The following TNR variants were observed in gnomAD, a reference collection of about 807,000 sequenced individuals.
TNR encodes tenascin R, also known as tenascin-R.
A neutral mutation model predicts 150.4 loss-of-function variants in TNR; 45 were observed. That is an observed-to-expected ratio of 0.30 (90% confidence interval 0.24 to 0.38). TNR has a LOEUF of 0.38. Among genes scored for constraint, TNR ranks in the 10% least tolerant of loss-of-function variants. The pLI, the probability that TNR is intolerant of heterozygous loss-of-function variation, is 1.00. For missense variants in TNR, 1,544 were observed against 1,759.1 expected, an observed-to-expected ratio of 0.88 and a Z score of 2.19; for synonymous variants, 687 against 678.4, an observed-to-expected ratio of 1.01 and a Z score of -0.20.
intron 1 of TNR, among the ~76,000 whole-genome samples, chr1:175,581,692 G>A (rs1399696087): frequency 6.6e-6 from 1 of 152,098 alleles, no homozygotes; most frequent in African/African-American, 2.4e-5. Flanking sequence ...CCTTTTGAGA[G>A]TTCCATTTTT....
At position 175,597,335 on chromosome 1, in the gene TNR, A is replaced by G. The variant is rs917352487; in HGVS notation, c.-164-68966T>C. On this transcript the variant is annotated intron_variant, in intron 1 of 22. Coordinates refer to ENST00000367674, the MANE Select transcript of TNR (RefSeq NM_003285.3). Reference sequence around the variant, plus strand: ...GACAGAACCTCACGTGAGGAACAGCATCTCCTAGGGAATGTGAGAAGTGAC... The same window carrying G: ...GACAGAACCTCACGTGAGGAACAGCGTCTCCTAGGGAATGTGAGAAGTGAC... 3.3e-5 allele frequency among the ~76,000 whole-genome samples: 5 copies of G among 152,160 alleles called. No individual in the cohort carries two copies. In the South Asian group the frequency reaches 6.2e-4, roughly 19 times the overall value.
At chr1:175,616,263 C>A (rs956530162) in intron 1 of TNR, among the ~76,000 whole-genome samples, 2 of 152,186 alleles carry the variant, frequency 1.3e-5, no homozygotes, top group Non-Finnish European at 2.9e-5. Context: ...TGTTCATGAC[C>A]AAAGCCTCCC....
At chr1:175,402,756 T>G (rs1014937045) in intron 4 of TNR, among the ~76,000 whole-genome samples, 8 of 152,244 alleles carry the variant, frequency 5.3e-5, no homozygotes, top group African/African-American at 1.9e-4. Flanking sequence ...TTTGAGCAGG[T>G]GGAACGCTTG....
At chr1:175,494,543 A>T (rs1433710475) in intron 2 of TNR, among the ~76,000 whole-genome samples, 1 of 152,212 alleles carries the variant, frequency 6.6e-6, no homozygotes, top group East Asian at 1.9e-4. Flanking sequence ...TAGGGCAGTC[A>T]CTGACAGCTG....
At chr1:175,647,010 G>A (rs1427674814) in intron 1 of TNR, among the ~76,000 whole-genome samples, 1 of 152,244 alleles carries the variant, frequency 6.6e-6, no homozygotes, top group Non-Finnish European at 1.5e-5. Flanking sequence ...CGGCAGGCAG[G>A]ATGGGGCAGG....
chr1:175,365,080 C>T lies in TNR; in HGVS notation c.2517G>A (p.Glu839=), dbSNP rs143313777. 52 of 1,614,004 alleles carry T rather than the reference C, an allele frequency of 3.2e-5. No individual in the cohort carries two copies. In the South Asian group the frequency reaches 5.3e-4, roughly 16 times the overall value. Residue 839 remains glutamate, a synonymous_variant, in exon 12 of 23, where the codon GAG becomes GAA. Coordinates refer to ENST00000367674, the MANE Select transcript of TNR (RefSeq NM_003285.3). The part of the protein sequence containing the change: ...AVLMGLQPAT[E]YIVNLVAVHG... ...GGACAGCCACAAGGTTCACAATATA[C>T]TCTGTGGCTGGTTGCAGGCCCATCA...
Position 175,410,814 on chromosome 1 carries a change from C to A in TNR, c.-63-4037G>T, listed in dbSNP as rs375365811. Among the ~76,000 whole-genome samples the A allele has an allele frequency of 9.2e-5, 14 of 152,336 alleles. No homozygotes were observed. In the East Asian group the frequency reaches 2.7e-3, roughly 29 times the overall value. On this transcript the variant is annotated intron_variant, in intron 2 of 22. Coordinates refer to ENST00000367674, the MANE Select transcript of TNR (RefSeq NM_003285.3). ...CTCTGAGTGACCACAGAGTTTCCTG[C>A]TGACTCACAGTGGACATGTCATGTG...
chr1:175,669,731 G>A (rs1665639661), intron 1 of TNR, among the ~76,000 whole-genome samples: 1 of 152,240 alleles, frequency 6.6e-6, no homozygotes, highest in Non-Finnish European at 1.5e-5. Context: ...AGAGCTGGCT[G>A]CAGGGAGAGG....
rs537196066 is a variant in TNR at position 175,700,914 on chromosome 1, G to A, written c.-165+42312C>T. On this transcript the variant is annotated intron_variant, in intron 1 of 22. Coordinates refer to ENST00000367674, the MANE Select transcript of TNR (RefSeq NM_003285.3). ...CTTACCTCACTCAAAGCCTTCGTCCGCCTCCCCGAGCCTGATTTCTCAGGC... is the reference window on the plus strand; with the variant it reads ...CTTACCTCACTCAAAGCCTTCGTCCACCTCCCCGAGCCTGATTTCTCAGGC... 5.9e-5 allele frequency among the ~76,000 whole-genome samples: 9 copies of A among 152,118 alleles called. No individual in the cohort carries two copies. In the South Asian group the frequency reaches 1.5e-3, roughly 25 times the overall value.
At chr1:175,428,749 TCCCCCTGTGCTGC>T (rs1557928568) in intron 2 of TNR, among the ~76,000 whole-genome samples, 1 of 152,180 alleles carries the variant, frequency 6.6e-6, no homozygotes, top group East Asian at 1.9e-4. Flanking sequence ...CAAGCTTTTT[TCCCCCTGTGCTGC>T]ACGATTCTCA....
chr1:175,511,678 C>G (rs759166133), intron 2 of TNR, among the ~76,000 whole-genome samples: 2 of 152,138 alleles, frequency 1.3e-5, no homozygotes, highest in Non-Finnish European at 2.9e-5. Context: ...AATAAGAAGC[C>G]CTGCCTGAAA....
chr1:175,663,820 A>T (rs1346355914), intron 1 of TNR, among the ~76,000 whole-genome samples: 3 of 152,206 alleles, frequency 2.0e-5, no homozygotes, highest in Admixed American at 6.5e-5. Context: ...AGTCTGGGGA[A>T]CTGGAGAGTC....
chr1:175,583,028 A>G (rs1190890387), intron 1 of TNR, among the ~76,000 whole-genome samples: 1 of 152,154 alleles, frequency 6.6e-6, no homozygotes, highest in East Asian at 1.9e-4. Context: ...AGTCTTCAGA[A>G]CTATGAGAAA....
chr1:175,646,980 T>C (rs1017176937), intron 1 of TNR, among the ~76,000 whole-genome samples: 1 of 152,206 alleles, frequency 6.6e-6, no homozygotes, highest in African/African-American at 2.4e-5. Context: ...ACCCCATCTT[T>C]CCAGGCTCCC....
intron 1 of TNR, among the ~76,000 whole-genome samples, chr1:175,690,001 G>A (rs774000275): frequency 3.0e-4 from 45 of 152,156 alleles, no homozygotes; most frequent in Non-Finnish European, 4.8e-4. Context: ...TAGGATAATG[G>A]TACTGCTATT....
intron 6 of TNR, among the ~76,000 whole-genome samples, chr1:175,392,500 A>G (rs994424539): frequency 6.6e-6 from 1 of 152,222 alleles, no homozygotes; most frequent in African/African-American, 2.4e-5. Context: ...TATAGGTAAC[A>G]GGAGAACCTG....
intron 1 of TNR, among the ~76,000 whole-genome samples, chr1:175,654,859 C>T (rs549143144): frequency 1.3e-5 from 2 of 151,808 alleles, no homozygotes; most frequent in African/African-American, 4.8e-5. Flanking sequence ...GCTGGGACTA[C>T]AGGCACCCGC....
intron 2 of TNR, among the ~76,000 whole-genome samples, chr1:175,428,621 CAT>C (rs1655119265): frequency 1.3e-5 from 2 of 152,182 alleles, no homozygotes; most frequent in South Asian, 4.1e-4. Flanking sequence ...TTCAAATCAA[CAT>C]ATGTTTTTTG....
chr1:175,451,038 T>TTCTCC (rs1260930208), intron 2 of TNR, among the ~76,000 whole-genome samples: 3 of 152,014 alleles, frequency 2.0e-5, no homozygotes, highest in Non-Finnish European at 4.4e-5. Context: ...GCATTTGTGA[T>TTCTCC]TCTCCTCTCC....
Sources: gnomAD v4.1 joint callset for allele counts (sites outside exome capture counted in the v4.1 genomes callset) on GRCh38, gnomAD v4.1.1 for gene constraint, MANE v1.5 for transcripts, NCBI Gene and HGNC (gene_info 2026-07-23, HGNC 2026-07-21) for gene names.